Variants in ABCA1 observed in about 807,000 individuals in gnomAD.
ABCA1 encodes the protein ATP binding cassette subfamily A member 1, also known as phospholipid-transporting ATPase ABCA1.
Under a neutral mutation model 262.5 loss-of-function variants are expected in ABCA1, and 133 were observed. The observed-to-expected ratio is 0.51, with a 90% CI of 0.44 to 0.59. The LOEUF (loss-of-function observed/expected upper bound fraction) is 0.59. ABCA1 is among the 20% of genes least tolerant of loss of function. ABCA1 has a pLI of 0.00. For missense variants in ABCA1, 2,452 were observed against 2,777.5 expected (o/e 0.88, Z 2.63); for synonymous variants, 1,022 against 1,043.5 (o/e 0.98, Z 0.40).
chr9:104,824,054 G>A (rs971664837), intron 18 of ABCA1, among the ~76,000 whole-genome samples: 2 of 152,212 alleles, frequency 1.3e-5, no homozygotes, highest in Non-Finnish European at 2.9e-5. Flanking sequence ...GCTGAGCTCT[G>A]TGGTAGCCAC....
At chr9:104,801,995 C>T in intron 34 of ABCA1, 59 bp downstream of exon 34, 1 of 1,495,936 alleles carries the variant, frequency 6.7e-7, no homozygotes, top group South Asian at 1.1e-5. Flanking sequence ...GCCAACTACT[C>T]CTATATCCCA....
At chr9:104,878,843 CT>C (rs1204662374) in intron 5 of ABCA1, among the ~76,000 whole-genome samples, 1 of 152,094 alleles carries the variant, frequency 6.6e-6, no homozygotes, top group Non-Finnish European at 1.5e-5. Flanking sequence ...TACAAATCAC[CT>C]GTGTATAGTC....
intron 5 of ABCA1, among the ~76,000 whole-genome samples, chr9:104,876,131 G>A (rs973533751): frequency 2.0e-5 from 3 of 152,156 alleles, no homozygotes; most frequent in Non-Finnish European, 4.4e-5. Flanking sequence ...CCACAGCCCT[G>A]CCCACACCAC....
chr9:104,832,378 T>C (rs1314651767), intron 12 of ABCA1, among the ~76,000 whole-genome samples, 196 bp downstream of exon 12: 1 of 152,222 alleles, frequency 6.6e-6, no homozygotes, highest in Non-Finnish European at 1.5e-5. Context: ...AGCTAGAGTT[T>C]ATTTACTCAT....
intron 2 of ABCA1, among the ~76,000 whole-genome samples, chr9:104,902,395 A>G (rs1840735554): frequency 6.6e-6 from 1 of 152,238 alleles, no homozygotes; most frequent in South Asian, 2.1e-4. Flanking sequence ...GAATTCAATC[A>G]TTAGCACATG....
In ABCA1 at chr9:104,862,631, TGCCGGGCCGGGCCGGGCCGG is replaced by T. The variant is rs1171336047; in HGVS notation, c.422-851_422-832del. On this transcript the variant is annotated intron_variant, in intron 5 of 49. Transcript: ENST00000374736. The stretch of plus-strand genomic sequence containing the variant: ...CTGGAGAGCTTGTTAAAATGCAGAC[TGCCGGGCCGGGCCGGGCCGG>T]GCCGGGCCGGGCCGGGCCGGGCCGG... 1.7e-4 allele frequency among the ~76,000 whole-genome samples: 4 copies of T among 22,942 alleles called. 1 individual carries two copies. Among genetic ancestry groups the T allele is most frequent in the African/African-American group, 2.3e-4 (1 of 4,294 alleles). The allele number at this position is 22,942 out of a possible 152,430, so 15.1% of individuals were successfully genotyped here.
rs1367013247 is a variant in ABCA1 at position 104,903,696 on chromosome 9, CCCCCAGCGTGTGGCTCGG to C, written c.-35_-18del. 1.9e-5 allele frequency: 30 copies of C among 1,572,920 alleles called. No individual in the cohort carries two copies. The highest frequency in any genetic ancestry group is 2.3e-5 in the Non-Finnish European group (27 of 1,158,530). Reference sequence around the variant, plus strand: ...ACAAGCCATGTTCCCTCAGCCAGCACCCCCAGCGTGTGGCTCGGGAGCCCTGGAAGGCAGCGGCCAGAG... The same window carrying C: ...ACAAGCCATGTTCCCTCAGCCAGCACGAGCCCTGGAAGGCAGCGGCCAGAG... On this transcript the variant is annotated 5_prime_UTR_variant, in exon 2 of 50. Coordinates refer to ENST00000374736, the MANE Select transcript of ABCA1 (RefSeq NM_005502.4).
chr9:104,837,178 A>T, intron 10 of ABCA1, 82 bp from the exon 11 acceptor site: 1 of 1,230,646 alleles, frequency 8.1e-7, no homozygotes, highest in Admixed American at 1.7e-5. Context: ...CCCTGAAAAG[A>T]TACCCCATCA....
At chr9:104,824,664 C>A (rs778315835) in intron 17 of ABCA1, 86 bp from the exon 18 acceptor site, 17 of 1,470,202 alleles carry the variant, frequency 1.2e-5, no homozygotes, top group Non-Finnish European at 1.5e-5. Context: ...TCCTCCTTGA[C>A]ACATCCTTTG....
chr9:104,909,651 CACAT>C (rs1841382687), intron 1 of ABCA1, among the ~76,000 whole-genome samples: 2 of 128,736 alleles, frequency 1.6e-5, no homozygotes, highest in Non-Finnish European at 3.5e-5. Flanking sequence ...CACACACACA[CACAT>C]TCACAGGAAG....
intron 6 of ABCA1, among the ~76,000 whole-genome samples, chr9:104,859,788 T>C (rs1384748509): frequency 6.6e-6 from 1 of 152,130 alleles, no homozygotes; most frequent in Non-Finnish European, 1.5e-5. Context: ...CAGTGGGTCA[T>C]GTCTGTAATT....
intron 3 of ABCA1, among the ~76,000 whole-genome samples, chr9:104,887,562 G>C (rs1410871867): frequency 6.6e-6 from 1 of 151,990 alleles, no homozygotes; most frequent in Non-Finnish European, 1.5e-5. Flanking sequence ...AAAAAACTGA[G>C]TTTGCCCTTG....
intron 17 of ABCA1, 158 bp downstream of exon 17, chr9:104,825,524 CT>C: frequency 1.3e-6 from 1 of 749,138 alleles, no homozygotes; most frequent in South Asian, 1.5e-5. Flanking sequence ...GACAATTGTA[CT>C]TTCAGCATCA....
intron 5 of ABCA1, among the ~76,000 whole-genome samples, chr9:104,880,428 A>T (rs1838528152): frequency 6.6e-6 from 1 of 151,876 alleles, no homozygotes; most frequent in Non-Finnish European, 1.5e-5. Flanking sequence ...TGAGCCCAGG[A>T]ATTCGAGGCT....
At chr9:104,915,432 G>C (rs1016089260) in intron 1 of ABCA1, among the ~76,000 whole-genome samples, 1 of 152,162 alleles carries the variant, frequency 6.6e-6, no homozygotes, top group Non-Finnish European at 1.5e-5. Flanking sequence ...CTCGCTGGCT[G>C]CCTCACTAAA....
At chr9:104,906,461 G>A (rs1489322684) in intron 1 of ABCA1, among the ~76,000 whole-genome samples, 1 of 152,100 alleles carries the variant, frequency 6.6e-6, no homozygotes, top group African/African-American at 2.4e-5. Flanking sequence ...GGAAGCACAT[G>A]GAGAAGGTTG....
intron 5 of ABCA1, among the ~76,000 whole-genome samples, chr9:104,879,092 A>C (rs1838401433): frequency 6.6e-6 from 1 of 151,982 alleles, no homozygotes; most frequent in South Asian, 2.1e-4. Context: ...AAAAGAAAGA[A>C]AAGAAAAGAA....
At chr9:104,914,180 T>C (rs1174848125) in intron 1 of ABCA1, among the ~76,000 whole-genome samples, 1 of 151,822 alleles carries the variant, frequency 6.6e-6, no homozygotes, top group Non-Finnish European at 1.5e-5. Context: ...AAATCTCTAT[T>C]AGAAATCTGA....
chr9:104,861,010 C>A (rs1410547287), intron 6 of ABCA1, among the ~76,000 whole-genome samples: 2 of 152,114 alleles, frequency 1.3e-5, no homozygotes, highest in African/African-American at 4.8e-5. Flanking sequence ...CCCGCCTTGG[C>A]CTCCCAAAGT....
Sources: allele counts gnomAD v4.1 joint callset (sites outside exome capture counted in the v4.1 genomes callset), GRCh38; gene constraint gnomAD v4.1.1; transcripts MANE v1.5; gene names NCBI Gene and HGNC (gene_info 2026-07-23, HGNC 2026-07-21).